IARS1: variants seen among roughly 807,000 people sequenced by gnomAD.
IARS1 encodes the protein isoleucyl-tRNA synthetase 1.
IARS1 carries 124 observed loss-of-function variants against 168.2 expected under a neutral mutation model. The ratio of observed to expected loss-of-function variants is 0.74; its 90% confidence interval spans 0.64 to 0.86. The LOEUF (loss-of-function observed/expected upper bound fraction) is 0.86. IARS1 is among the 40% of genes least tolerant of loss of function. The pLI is 0.00. For missense variants in IARS1, 1,452 were observed against 1,515.8 expected (o/e 0.96, Z 0.70); for synonymous variants, 532 against 529.4 (o/e 1.00, Z -0.07).
At position 92,210,233 on chromosome 9, in the gene IARS1, C is replaced by T. The variant is rs1017433749; in HGVS notation, c.*574G>A. 6.5e-6 allele frequency: 1 copy of T among 153,506 alleles called. No individual in the cohort carries two copies. The highest frequency in any genetic ancestry group is 1.5e-5 in the Non-Finnish European group (1 of 68,864). 9.5% of individuals were successfully genotyped at this position (153,506 alleles called of 1,614,324 possible). A position where few individuals can be genotyped will look rare whatever the true frequency, so the allele number is the denominator to read the frequency against. On this transcript the variant is annotated 3_prime_UTR_variant, in exon 34 of 34. Coordinates refer to ENST00000443024, the MANE Select transcript of IARS1 (RefSeq NM_002161.6). ...TTTGGAAAGAAGTTTTATTAGATGT[C>T]TAGTCCACTGTCTTAATAAGAAACC...
intron 14 of IARS1, among the ~76,000 whole-genome samples, chr9:92,265,892 C>T (rs544956483): frequency 6.6e-6 from 1 of 152,170 alleles, no homozygotes; most frequent in Non-Finnish European, 1.5e-5. Context: ...CTCTTGGACT[C>T]GAGCTATCAG....
chr9:92,289,391 T>C lies in IARS1; in HGVS notation c.29A>G (p.Asn10Ser). 1.3e-6 allele frequency: 2 copies of C among 1,580,736 alleles called. No homozygotes were observed. The highest frequency in any genetic ancestry group is 1.7e-6 in the Non-Finnish European group (2 of 1,151,720). Residue 10 changes from asparagine to serine, a missense_variant, in exon 2 of 34, where the codon AAT (asparagine) becomes AGT (serine). By Grantham distance (46) the Asn-to-Ser change is conservative. Coordinates refer to ENST00000443024, the MANE Select transcript of IARS1 (RefSeq NM_002161.6). The stretch of plus-strand genomic sequence containing the variant: ...GATTTTCTCTTCTTCAGCAGGAAAA[T>C]TTATGTTTTCTGGAACTTGTTGAAG... MLQQVPENI[N>S]FPAEEEKILE...
At chr9:92,269,084 T>C (rs1486951633) in intron 13 of IARS1, among the ~76,000 whole-genome samples, 1 of 152,102 alleles carries the variant, frequency 6.6e-6, no homozygotes, top group East Asian at 1.9e-4. Context: ...ATCTAGTATC[T>C]TACACATTAG....
intron 17 of IARS1, among the ~76,000 whole-genome samples, chr9:92,261,757 CTT>C (rs908361961): frequency 1.4e-5 from 2 of 145,674 alleles, no homozygotes; most frequent in African/African-American, 2.5e-5. Flanking sequence ...CAATTTCCCC[CTT>C]TTTTTTTTTG....
At chr9:92,224,569 G>A (rs975629172) in intron 31 of IARS1, among the ~76,000 whole-genome samples, 2 of 152,184 alleles carry the variant, frequency 1.3e-5, no homozygotes, top group Non-Finnish European at 2.9e-5. Context: ...TGGGCACAGT[G>A]GCTCACACCT....
chr9:92,276,401 C>T (rs778580103), intron 9 of IARS1, among the ~76,000 whole-genome samples: 22 of 152,066 alleles, frequency 1.4e-4, no homozygotes, highest in Admixed American at 3.3e-4. Flanking sequence ...TGCCACATAC[C>T]GACTGGGGAG....
chr9:92,260,543 T>C (rs1007071800), intron 17 of IARS1, among the ~76,000 whole-genome samples: 16 of 151,944 alleles, frequency 1.1e-4, no homozygotes, highest in Non-Finnish European at 1.5e-4. Flanking sequence ...TAATCCCCAC[T>C]ACTGGGGAGG....
chr9:92,272,046 G>T (rs1331273564), intron 10 of IARS1, among the ~76,000 whole-genome samples: 3 of 152,178 alleles, frequency 2.0e-5, no homozygotes, highest in Non-Finnish European at 4.4e-5. Context: ...TATAACAGCA[G>T]CACACACATC....
Position 92,271,646 on chromosome 9 carries a change from G to C in IARS1, c.1000C>G (p.Arg334Gly), listed in dbSNP as rs754788006. Residue 334 changes from arginine (R) to glycine (G), a missense_variant, in exon 11 of 34, where the codon CGG becomes GGG. Coordinates refer to ENST00000443024, the MANE Select transcript of IARS1 (RefSeq NM_002161.6). ...ATAATGTTAAAGTCCATACAGACCC[G>C]ATAGTCCTCCTGAGAAAAGGCAAAA... ...QAPYFGAEDY[R>G]VCMDFNIIRK... The C allele has an allele frequency of 6.2e-7, 1 of 1,614,026 alleles. No individual in the cohort carries two copies. Among genetic ancestry groups the C allele is most frequent in the African/African-American group, 1.3e-5 (1 of 75,042 alleles).
chr9:92,283,461 T>C (rs899796129), intron 6 of IARS1, among the ~76,000 whole-genome samples: 2 of 152,056 alleles, frequency 1.3e-5, no homozygotes, highest in African/African-American at 4.8e-5. Context: ...CTGGCCAACA[T>C]GGCGAAACCC....
At position 92,262,952 on chromosome 9, in the gene IARS1, C is replaced by G. The variant is rs981220068; in HGVS notation, c.1787+17G>C. 6.3e-7 allele frequency: 1 copy of G among 1,599,950 alleles called. No individual in the cohort carries two copies. Among genetic ancestry groups the G allele is most frequent in the Admixed American group, 1.7e-5 (1 of 59,918 alleles). On this transcript the variant is annotated intron_variant, in intron 17 of 33. Coordinates refer to ENST00000443024, the MANE Select transcript of IARS1 (RefSeq NM_002161.6). ...GGAGACAAAGTTCCACCCGTCACTA[C>G]AACAAAGTTGACCTACCTTGCCAGG...
At chr9:92,278,638 A>T (rs1254629831) in intron 7 of IARS1, among the ~76,000 whole-genome samples, 2 of 152,190 alleles carry the variant, frequency 1.3e-5, no homozygotes, top group Non-Finnish European at 1.5e-5. Context: ...CCCCTCTCAG[A>T]CATTCTCATT....
chr9:92,236,787 T>A (rs1827605141), intron 30 of IARS1, among the ~76,000 whole-genome samples: 1 of 152,226 alleles, frequency 6.6e-6, no homozygotes, highest in African/African-American at 2.4e-5. Flanking sequence ...AGGTGGAGGT[T>A]GCAGTGAGCT....
intron 30 of IARS1, among the ~76,000 whole-genome samples, chr9:92,230,778 TTTAGTCA>T (rs1389501764): frequency 6.6e-6 from 1 of 152,240 alleles, no homozygotes; most frequent in Non-Finnish European, 1.5e-5. Context: ...TACTTGCAAT[TTTAGTCA>T]TTGTGATAGC....
In IARS1 at chr9:92,247,444, G is replaced by C. The variant is rs750035956; in HGVS notation, c.2724C>G (p.Ala908=). The C allele has an allele frequency of 1.4e-5, 22 of 1,614,160 alleles. No individual in the cohort carries two copies. The highest frequency in any genetic ancestry group is 2.2e-5 in the East Asian group (1 of 44,876). ...HMVLGKRLKG[A]FKAVMTSIKQ... ...TGATGGACGTCATCACTGCCTTAAA[G>C]GCTCCCTTCAGACGCTTCCCCAGGA... The change falls in exon 26 of 34, where the codon GCC becomes GCG. Residue 908 remains alanine (A), a synonymous_variant. Transcript: ENST00000443024.
chr9:92,267,695 G>A (rs534878275), intron 14 of IARS1, among the ~76,000 whole-genome samples: 168 of 152,296 alleles, frequency 1.1e-3, no homozygotes, highest in Middle Eastern at 6.8e-3. Context: ...ATGACATTAA[G>A]TGAGGACATA....
intron 19 of IARS1, among the ~76,000 whole-genome samples, chr9:92,257,341 C>T (rs886390047): frequency 5.3e-5 from 8 of 152,304 alleles, no homozygotes; most frequent in Admixed American, 6.5e-5. Flanking sequence ...ACCAGGCTAG[C>T]GGGGCAGTGA....
At chr9:92,274,134 G>C (rs1833471829) in intron 10 of IARS1, among the ~76,000 whole-genome samples, 1 of 152,124 alleles carries the variant, frequency 6.6e-6, no homozygotes, top group Admixed American at 6.5e-5. Flanking sequence ...CAGCAGAGGT[G>C]ATGGGAATGG....
At chr9:92,293,588 C>A in intron 1 of IARS1, 23 bp downstream of exon 1, 1 of 411,204 alleles carries the variant, frequency 2.4e-6, no homozygotes, top group Non-Finnish European at 5.0e-6. Context: ...AGGGCCGGAT[C>A]CTGCAGGGAA....
Sources: gnomAD v4.1 joint callset for allele counts (sites outside exome capture counted in the v4.1 genomes callset) on GRCh38, gnomAD v4.1.1 for gene constraint, MANE v1.5 for transcripts, NCBI Gene and HGNC (gene_info 2026-07-23, HGNC 2026-07-21) for gene names.